Variants in NMRAL1 observed in about 807,000 individuals in gnomAD.
NMRAL1 encodes the protein nmrA-like family domain-containing protein 1.
In NMRAL1, 32 loss-of-function variants were observed where a neutral mutation model predicts 27.5. The ratio of observed to expected loss-of-function variants is 1.16; its 90% CI spans 0.88 to 1.56. The LOEUF (loss-of-function observed/expected upper bound fraction) is 1.56. Ranked by LOEUF, NMRAL1 falls within the 40% of genes most tolerant of loss-of-function variation. The pLI is 0.00. For synonymous variants in NMRAL1, 166 were observed against 166.8 expected (o/e 1.00, Z 0.04); for missense variants, 420 against 392.0 (o/e 1.07, Z -0.60).
At position 4,467,540 on chromosome 16, in the gene NMRAL1, A is replaced by G. The variant is rs561334135; in HGVS notation, c.280-1138T>C. The stretch of plus-strand genomic sequence containing the variant: ...TAAACTACCACGCCTGGCCTCCAAG[A>G]CTCTGGAGAGAGGGTGACATTGCTG... On this transcript the variant is annotated intron_variant, in intron 3 of 5. Coordinates refer to ENST00000283429, the MANE Select transcript of NMRAL1 (RefSeq NM_020677.6). 2.1e-3 allele frequency among the ~76,000 whole-genome samples: 313 copies of G among 150,882 alleles called. 1 individual carries two copies. The highest frequency in any genetic ancestry group is 7.1e-3 in the African/African-American group (290 of 41,116).
At chr16:4,473,440 A>G (rs987310141) in intron 2 of NMRAL1, among the ~76,000 whole-genome samples, 4 of 152,176 alleles carry the variant, frequency 2.6e-5, no homozygotes, top group African/African-American at 7.2e-5. Context: ...ATGTATAAAT[A>G]AGAAAAAATA....
At chr16:4,467,063 G>A (rs1025436157) in intron 3 of NMRAL1, 5 of 152,454 alleles carry the variant, frequency 3.3e-5, no homozygotes, top group African/African-American at 9.7e-5. Flanking sequence ...TAACTAGATA[G>A]GCGCTAAATC....
chr16:4,463,379 C>G (rs1376297094), intron 5 of NMRAL1: 4 of 504,802 alleles, frequency 7.9e-6, no homozygotes, highest in Non-Finnish European at 1.4e-5. Context: ...TTCCCTCCCA[C>G]AGAGGAGCCC....
intron 5 of NMRAL1, among the ~76,000 whole-genome samples, chr16:4,462,206 CTGTGGCT>C (rs2057138358): frequency 2.0e-5 from 3 of 152,238 alleles, no homozygotes; most frequent in Non-Finnish European, 4.4e-5. Flanking sequence ...TGGCCAGATG[CTGTGGCT>C]CATGCCCGTA....
chr16:4,471,436 G>A (rs2057559729), intron 2 of NMRAL1: 1 of 151,508 alleles, frequency 6.6e-6, no homozygotes, highest in African/African-American at 2.4e-5. Context: ...GGGCAACATG[G>A]TGAAACCATA....
rs1042004045 is a variant in NMRAL1 at position 4,461,942 on chromosome 16, G to A, written c.738C>T (p.Tyr246=). The A allele has an allele frequency of 1.2e-5, 20 of 1,613,234 alleles. No individual in the cohort carries two copies. The highest frequency in any genetic ancestry group is 9.3e-5 in the African/African-American group (7 of 74,922). ...VHDAKMTPED[Y]EKLGFPGARD... is the part of the protein sequence containing the mutation. ...GGGCACCGGGAAAGCCAAGCTTTTC[G>A]TAGTCCTCAGGAGTCATCTGGAAGC... is the stretch of plus-strand genomic sequence containing the variant. The change falls in exon 6 of 6, where the codon TAC becomes TAT. Residue 246 remains tyrosine (Y), a synonymous_variant. Coordinates refer to ENST00000283429, the MANE Select transcript of NMRAL1 (RefSeq NM_020677.6).
At chr16:4,465,474 G>A (rs1299322605) in intron 4 of NMRAL1, among the ~76,000 whole-genome samples, 1 of 152,250 alleles carries the variant, frequency 6.6e-6, no homozygotes. Flanking sequence ...AATGGGCACT[G>A]AGAAGAAAGA....
chr16:4,464,865 C>T (rs2057257377), intron 4 of NMRAL1, among the ~76,000 whole-genome samples: 1 of 151,850 alleles, frequency 6.6e-6, no homozygotes, highest in South Asian at 2.1e-4. Context: ...ATCCGCCCTC[C>T]TCGGCCTCCC....
rs1011533049 is a variant in NMRAL1, at chr16:4,464,082, GCTCT to G, written c.530-236_530-233del. 21 of 538,862 alleles carry G rather than the reference GCTCT, an allele frequency of 3.9e-5. No homozygotes were observed. In the African/African-American group the frequency reaches 4.1e-4, roughly 11 times the overall value. 33.4% of individuals were successfully genotyped at this position (538,862 alleles called of 1,614,324 possible). A position where few individuals can be genotyped will look rare whatever the true frequency, so the allele number is the denominator to read the frequency against. On this transcript the variant is annotated intron_variant, in intron 4 of 5. Transcript: ENST00000283429. ...CTGCCACCTAGGGCAGGCTGTTGAGGCTCTCTGAGCCTGGGTTGCTGCATTCCTA... is the reference window on the plus strand; with the variant it reads ...CTGCCACCTAGGGCAGGCTGTTGAGGCTGAGCCTGGGTTGCTGCATTCCTA...
chr16:4,474,200 G>C, intron 1 of NMRAL1, 34 bp from the exon 2 acceptor site: 1 of 1,531,676 alleles, frequency 6.5e-7, no homozygotes, highest in South Asian at 1.2e-5. Context: ...GTTGGGGGTG[G>C]GGCCGGGGTT....
chr16:4,466,078 G>A (rs1221258039), intron 4 of NMRAL1, 75 bp downstream of exon 4: 11 of 1,566,340 alleles, frequency 7.0e-6, no homozygotes, highest in Admixed American at 6.8e-5. Context: ...ACGTGACAGC[G>A]GCCCGCGGTC....
At chr16:4,473,076 T>C (rs1051401545) in intron 2 of NMRAL1, among the ~76,000 whole-genome samples, 1 of 149,578 alleles carries the variant, frequency 6.7e-6, no homozygotes, top group Non-Finnish European at 1.5e-5. Flanking sequence ...TGGACTCAGG[T>C]GATCCTCCCA....
chr16:4,470,993 G>A (rs976148485), intron 2 of NMRAL1, among the ~76,000 whole-genome samples: 1 of 151,442 alleles, frequency 6.6e-6, no homozygotes, highest in African/African-American at 2.4e-5. Context: ...TGTAATCCCA[G>A]CTACTTGGGA....
At chr16:4,469,916 G>A (rs1312117975) in intron 2 of NMRAL1, among the ~76,000 whole-genome samples, 2 of 149,456 alleles carry the variant, frequency 1.3e-5, no homozygotes, top group Non-Finnish European at 3.0e-5. Flanking sequence ...TGTAATCACA[G>A]CACTTTGGGA....
intron 4 of NMRAL1, among the ~76,000 whole-genome samples, chr16:4,465,624 T>C (rs1417690229): frequency 6.6e-6 from 1 of 152,196 alleles, no homozygotes; most frequent in African/African-American, 2.4e-5. Flanking sequence ...TAGAGTGCAG[T>C]GGCACAATCT....
chr16:4,467,644 G>C (rs1407930670), intron 3 of NMRAL1, among the ~76,000 whole-genome samples: 1 of 151,768 alleles, frequency 6.6e-6, no homozygotes, highest in Non-Finnish European at 1.5e-5. Context: ...TTTTGAGACA[G>C]AGTCTAGCTC....
Position 4,466,374 on chromosome 16 carries a change from C to T in NMRAL1, c.308G>A (p.Arg103His), listed in dbSNP as rs576274987. 2.5e-5 allele frequency: 41 copies of T among 1,612,966 alleles called. No individual in the cohort carries two copies. The East Asian group carries it at 5.1e-4, about 20-fold the overall frequency. Reference protein sequence around the residue: ...QGKLLADLARRLGLHYVVYSG... With the variant: ...QGKLLADLARHLGLHYVVYSG... ...GTAGACCACATAGTGGAGGCCCAGG[C>T]GCCTGGCCAGATCAGCGAGCAGCTT... The change falls in exon 4 of 6, where the codon CGC (arginine) becomes CAC (histidine). Residue 103 changes from arginine to histidine, a missense_variant. Physicochemically the swap from Arg to His is conservative, Grantham distance 29 (BLOSUM62 0). Transcript: ENST00000283429.
chr16:4,473,100 G>C (rs548385900), intron 2 of NMRAL1, among the ~76,000 whole-genome samples: 1 of 151,068 alleles, frequency 6.6e-6, no homozygotes, highest in Non-Finnish European at 1.5e-5. Flanking sequence ...CAACCTCCTA[G>C]GTAGCTATAG....
At chr16:4,468,986 AAC>A (rs1211059358) in intron 3 of NMRAL1, among the ~76,000 whole-genome samples, 6 of 151,644 alleles carry the variant, frequency 4.0e-5, no homozygotes, top group Non-Finnish European at 5.9e-5. Flanking sequence ...AAAAAAAAAA[AAC>A]AAACGAACAG....
Sources: allele counts gnomAD v4.1 joint callset (sites outside exome capture counted in the v4.1 genomes callset), GRCh38; gene constraint gnomAD v4.1.1; transcripts MANE v1.5; gene names NCBI Gene and HGNC (gene_info 2026-07-23, HGNC 2026-07-21).